The following CCDC171 variants were observed in gnomAD, a reference collection of about 807,000 sequenced individuals.
CCDC171 encodes the protein coiled-coil domain containing 171.
A neutral mutation model predicts 168.2 loss-of-function variants in CCDC171; 177 were observed. The observed-to-expected ratio is 1.05, with a 90% CI of 0.93 to 1.19. The LOEUF (loss-of-function observed/expected upper bound fraction) is 1.19. CCDC171 is among the 50% of genes most tolerant of loss of function. CCDC171 has a pLI of 0.00. For missense variants in CCDC171, 1,991 were observed against 1,539.0 expected (o/e 1.29, Z -4.91); for synonymous variants, 687 against 540.8 (o/e 1.27, Z -3.75).
intron 6 of CCDC171, among the ~76,000 whole-genome samples, chr9:15,604,708 T>C (rs2043095802): frequency 6.6e-6 from 1 of 152,108 alleles, no homozygotes; most frequent in South Asian, 2.1e-4. Context: ...CTGATAGGCC[T>C]TAAGACAATC....
chr9:15,823,548 C>T (rs1588697650), intron 21 of CCDC171, among the ~76,000 whole-genome samples: 1 of 151,902 alleles, frequency 6.6e-6, no homozygotes, highest in African/African-American at 2.4e-5. Context: ...TTAACAGTCA[C>T]AACATGTTAA....
At chr9:16,040,320 G>T (rs1833552732), upstream of CCDC171, among the ~76,000 whole-genome samples, 1 of 152,166 alleles carries the variant, frequency 6.6e-6, no homozygotes, top group Admixed American at 6.5e-5. Flanking sequence ...AAGGGATTCT[G>T]CAGATTGATG....
the CCDC171 span, among the ~76,000 whole-genome samples, chr9:16,093,933 A>G: frequency 5.3e-5 from 8 of 152,262 alleles, no homozygotes; most frequent in South Asian, 8.3e-4. Flanking sequence ...TCACGCTTCT[A>G]TGGCCCCCCA....
chr9:15,562,689 T>C (rs1428061457), intron 1 of CCDC171, among the ~76,000 whole-genome samples: 1 of 152,200 alleles, frequency 6.6e-6, no homozygotes, highest in Non-Finnish European at 1.5e-5. Flanking sequence ...CCTGTTGTGC[T>C]ACCTCTGCAT....
Position 16,060,684 on chromosome 9 carries a change from A to G in CCDC171, n.128A>G, listed in dbSNP as rs913328921. The G allele has an allele frequency of 2.6e-4, 40 of 152,234 alleles. 3 individuals are homozygous for G. The highest frequency in any genetic ancestry group is 2.6e-3 in the Admixed American group (39 of 15,286). The allele number at this position is 152,234 out of a possible 1,614,324, so 9.4% of individuals were successfully genotyped here. ...GAAAAGAGACTTCATTTCCATACCCACTAACCATGCCAACAGAAGGCTTTG... is the reference window on the plus strand; with the variant it reads ...GAAAAGAGACTTCATTTCCATACCCGCTAACCATGCCAACAGAAGGCTTTG... On this transcript the variant is annotated non_coding_transcript_exon_variant, in exon 2 of 2. Transcript: ENST00000478913.
chr9:15,832,658 C>G (rs965508257), intron 21 of CCDC171, among the ~76,000 whole-genome samples: 1 of 152,258 alleles, frequency 6.6e-6, no homozygotes, highest in African/African-American at 2.4e-5. Context: ...GGAAGTTGCT[C>G]TGAGTGACTC....
At chr9:15,588,579 G>C (rs952578507) in intron 4 of CCDC171, 6 of 320,842 alleles carry the variant, frequency 1.9e-5, no homozygotes, top group Non-Finnish European at 3.8e-5. Context: ...AAACAGACCA[G>C]GCACAGGAAG....
intron 17 of CCDC171, among the ~76,000 whole-genome samples, chr9:15,745,120 A>G (rs150036553): frequency 1.9e-4 from 29 of 152,346 alleles, no homozygotes; most frequent in African/African-American, 6.3e-4. Context: ...AATTACCAGT[A>G]TAATTTATTT....
intron 6 of CCDC171, among the ~76,000 whole-genome samples, chr9:16,031,676 A>G (rs994251740): frequency 4.6e-5 from 7 of 152,222 alleles, no homozygotes; most frequent in African/African-American, 1.4e-4. Flanking sequence ...AGCCCAGAGA[A>G]TGCATTTCCC....
chr9:15,771,141 C>T (rs369761269), intron 18 of CCDC171, among the ~76,000 whole-genome samples: 91 of 151,930 alleles, frequency 6.0e-4, no homozygotes, highest in African/African-American at 2.0e-3. Context: ...TTTTTTTCGC[C>T]ATTTTAAGCA....
intron 18 of CCDC171, among the ~76,000 whole-genome samples, chr9:15,758,844 TG>T (rs2056286438): frequency 6.6e-6 from 1 of 152,178 alleles, no homozygotes; most frequent in African/African-American, 2.4e-5. Flanking sequence ...GCCACTGCCA[TG>T]TGAGATACGC....
At chr9:16,078,215 A>G in the CCDC171 span, among the ~76,000 whole-genome samples, 1 of 152,102 alleles carries the variant, frequency 6.6e-6, no homozygotes, top group Non-Finnish European at 1.5e-5. Context: ...GTTCTACCTC[A>G]ATAAAGCTGG....
chr9:15,613,204 C>T (rs994158660), intron 6 of CCDC171, among the ~76,000 whole-genome samples: 1 of 152,118 alleles, frequency 6.6e-6, no homozygotes, highest in Non-Finnish European at 1.5e-5. Flanking sequence ...TACGTCTTTG[C>T]CATCACCTGT....
At chr9:15,719,226 A>G (rs1031743415) in intron 11 of CCDC171, among the ~76,000 whole-genome samples, 24 of 152,132 alleles carry the variant, frequency 1.6e-4, no homozygotes, top group African/African-American at 5.8e-4. Context: ...AGTAGAATTG[A>G]TTAAGCAAAA....
At chr9:15,829,788 C>T (rs1289970352) in intron 21 of CCDC171, among the ~76,000 whole-genome samples, 2 of 152,014 alleles carry the variant, frequency 1.3e-5, no homozygotes, top group African/African-American at 2.4e-5. Flanking sequence ...GGTGTGGTTA[C>T]ATGTGCCTAT....
At chr9:15,704,191 G>A (rs2052025832) in intron 11 of CCDC171, among the ~76,000 whole-genome samples, 1 of 114,310 alleles carries the variant, frequency 8.7e-6, no homozygotes, top group Non-Finnish European at 1.8e-5. Context: ...TGACATTTGT[G>A]TGTATTTGTT....
At chr9:15,606,115 T>C (rs1054371166) in intron 6 of CCDC171, among the ~76,000 whole-genome samples, 2 of 152,208 alleles carry the variant, frequency 1.3e-5, no homozygotes, top group Non-Finnish European at 2.9e-5. Context: ...ATAAAAGTAA[T>C]GTGAATGTGG....
At chr9:15,704,860 C>G (rs186977982) in intron 11 of CCDC171, among the ~76,000 whole-genome samples, 1 of 152,184 alleles carries the variant, frequency 6.6e-6, no homozygotes, top group South Asian at 2.1e-4. Flanking sequence ...TTCCTAATGC[C>G]TCTAACCCTG....
rs565938369 is a variant in CCDC171, at chr9:15,819,086, C to T, written c.3268-27616C>T. Among the ~76,000 whole-genome samples, 272 of 116,326 alleles carry T rather than the reference C, an allele frequency of 2.3e-3. 70 individuals are homozygous for T. The highest frequency in any genetic ancestry group is 7.3e-3 in the African/African-American group (225 of 30,828). 76.3% of individuals were successfully genotyped at this position (116,326 alleles called of 152,430 possible). On this transcript the variant is annotated intron_variant, in intron 21 of 25. Transcript: ENST00000380701. ...TTTCAACCCAGAATTTCATATCCAG[C>T]CAAACTAAGCTTCATAAGTGAAGGA...
Sources: allele counts gnomAD v4.1 joint callset (sites outside exome capture counted in the v4.1 genomes callset), GRCh38; gene constraint gnomAD v4.1.1; transcripts MANE v1.5; gene names NCBI Gene and HGNC (gene_info 2026-07-23, HGNC 2026-07-21).